GPR39: variants seen among roughly 807,000 people sequenced by gnomAD.
The protein encoded by GPR39 is zinc sensing receptor.
In GPR39, 23 loss-of-function variants were observed where a neutral mutation model predicts 18.4. That is an observed-to-expected ratio of 1.25 (90% CI 0.90 to 1.77). The LOEUF is 1.77. Ranked by LOEUF, GPR39 falls within the 40% of genes most tolerant of loss-of-function variation. GPR39 has a pLI of 0.00. For missense variants in GPR39, 647 were observed against 602.4 expected (o/e 1.07, Z -0.78); for synonymous variants, 280 against 257.9 (o/e 1.09, Z -0.82).
intron 1 of GPR39, among the ~76,000 whole-genome samples, chr2:132,499,159 T>A (rs1298953642): frequency 6.6e-6 from 1 of 152,222 alleles, no homozygotes; most frequent in African/African-American, 2.4e-5. Context: ...GTGTTTTTCC[T>A]AAGTTATCTT....
chr2:132,646,420 G>GGATTGTCTCATTGATATTCAAGATA lies in GPR39; in HGVS notation c.*818_*842dup, dbSNP rs1682082000. 4 of 448,366 alleles carry GGATTGTCTCATTGATATTCAAGATA rather than the reference G, an allele frequency of 8.9e-6. No individual in the cohort carries two copies. The highest frequency in any genetic ancestry group is 1.6e-5 in the Non-Finnish European group (4 of 257,724). The allele number at this position is 448,366 out of a possible 1,614,324, so 27.8% of individuals were successfully genotyped here. On this transcript the variant is annotated 3_prime_UTR_variant, in exon 2 of 2. Transcript: ENST00000329321. ...CTAGGTGAGGTCAGGGAAGTGCTTCGGATTGTCTCATTGATATTCAAGATA... is the reference window on the plus strand; with the variant it reads ...CTAGGTGAGGTCAGGGAAGTGCTTCGGATTGTCTCATTGATATTCAAGATAGATTGTCTCATTGATATTCAAGATA...
intron 1 of GPR39, among the ~76,000 whole-genome samples, chr2:132,485,331 C>G (rs1681311395): frequency 6.6e-6 from 1 of 152,144 alleles, no homozygotes; most frequent in Admixed American, 6.5e-5. Context: ...TGACTGCTGA[C>G]CAGTCAGGAT....
intron 1 of GPR39, among the ~76,000 whole-genome samples, chr2:132,638,065 G>A (rs1681794911): frequency 6.6e-6 from 1 of 151,892 alleles, no homozygotes; most frequent in Non-Finnish European, 1.5e-5. Context: ...TACAGAAAGA[G>A]GAGAAATGGA....
At chr2:132,421,634 A>G (rs768784313) in intron 1 of GPR39, among the ~76,000 whole-genome samples, 5 of 152,222 alleles carry the variant, frequency 3.3e-5, no homozygotes, top group South Asian at 2.1e-4. Context: ...GACATTATTC[A>G]TCACGTGTAT....
chr2:132,564,144 G>A (rs1482233300), intron 1 of GPR39, among the ~76,000 whole-genome samples: 7 of 152,216 alleles, frequency 4.6e-5, no homozygotes, highest in Non-Finnish European at 1.0e-4. Context: ...TGAGGCGGCT[G>A]AGGATCACTG....
intron 1 of GPR39, among the ~76,000 whole-genome samples, chr2:132,515,681 A>G (rs1427202464): frequency 6.6e-6 from 1 of 152,128 alleles, no homozygotes; most frequent in African/African-American, 2.4e-5. Context: ...CCTTAAAGCA[A>G]CTAATAAAAC....
At chr2:132,488,953 G>C (rs1288516380) in intron 1 of GPR39, 1 of 152,296 alleles carries the variant, frequency 6.6e-6, no homozygotes, top group Admixed American at 6.6e-5. Flanking sequence ...GTCCCATCCT[G>C]TTCTTTTTCT....
chr2:132,445,105 A>G (rs1372223946), intron 1 of GPR39, among the ~76,000 whole-genome samples: 1 of 152,214 alleles, frequency 6.6e-6, no homozygotes, highest in Non-Finnish European at 1.5e-5. Context: ...TTTAAAAATC[A>G]TTCATGACTC....
chr2:132,455,221 T>A (rs541005842), intron 1 of GPR39, among the ~76,000 whole-genome samples: 1 of 152,216 alleles, frequency 6.6e-6, no homozygotes, highest in African/African-American at 2.4e-5. Context: ...AGGGTGTATG[T>A]GTCCAGGAAT....
intron 1 of GPR39, among the ~76,000 whole-genome samples, chr2:132,491,999 G>A (rs1558814030): frequency 6.7e-6 from 1 of 149,124 alleles, no homozygotes; most frequent in East Asian, 1.9e-4. Flanking sequence ...CATTGATAAA[G>A]TAATTATATA....
At chr2:132,499,220 T>A (rs59597068) in intron 1 of GPR39, among the ~76,000 whole-genome samples, 3,502 of 152,322 alleles carry the variant, frequency 0.023, 125 homozygotes, top group African/African-American at 0.08. Context: ...TGATCCATCT[T>A]GAGTGGATTT....
chr2:132,446,888 G>A (rs946121270), intron 1 of GPR39, among the ~76,000 whole-genome samples: 1 of 152,146 alleles, frequency 6.6e-6, no homozygotes, highest in Non-Finnish European at 1.5e-5. Context: ...AGACAAGTGT[G>A]CAATGGCACA....
chr2:132,511,497 A>C (rs892323707), intron 1 of GPR39, among the ~76,000 whole-genome samples: 1 of 152,242 alleles, frequency 6.6e-6, no homozygotes, highest in Non-Finnish European at 1.5e-5. Context: ...AATGGTTTTT[A>C]AAATTCCAAA....
chr2:132,570,648 A>G (rs938787036), intron 1 of GPR39, among the ~76,000 whole-genome samples: 2 of 152,212 alleles, frequency 1.3e-5, no homozygotes. Context: ...CCAGGAAGGA[A>G]GAATTGTCCA....
intron 1 of GPR39, among the ~76,000 whole-genome samples, chr2:132,429,514 C>T (rs1252991909): frequency 6.6e-6 from 1 of 152,230 alleles, no homozygotes; most frequent in African/African-American, 2.4e-5. Context: ...CAGAGTGCAG[C>T]ATGTGGCCTG....
At chr2:132,532,620 A>G (rs1679662491) in intron 1 of GPR39, among the ~76,000 whole-genome samples, 1 of 152,228 alleles carries the variant, frequency 6.6e-6, no homozygotes, top group Non-Finnish European at 1.5e-5. Flanking sequence ...AACCAAATCC[A>G]GCAGCACGTC....
At chr2:132,518,116 A>G (rs905300636) in intron 1 of GPR39, among the ~76,000 whole-genome samples, 1 of 152,226 alleles carries the variant, frequency 6.6e-6, no homozygotes, top group African/African-American at 2.4e-5. Context: ...GACTTGGTCA[A>G]TGTCTTTACT....
intron 1 of GPR39, among the ~76,000 whole-genome samples, chr2:132,491,534 G>T (rs997182826): frequency 2.0e-5 from 3 of 151,986 alleles, no homozygotes; most frequent in African/African-American, 7.3e-5. Context: ...GAATAGGGGT[G>T]TAGGAGTGAT....
At chr2:132,640,063 T>C (rs765135079) in intron 1 of GPR39, among the ~76,000 whole-genome samples, 1 of 152,136 alleles carries the variant, frequency 6.6e-6, no homozygotes. Context: ...ACAAGGGAGT[T>C]ACAAGGCTGG....
Sources: allele counts gnomAD v4.1 joint callset (sites outside exome capture counted in the v4.1 genomes callset), GRCh38; gene constraint gnomAD v4.1.1; transcripts MANE v1.5; gene names NCBI Gene and HGNC (gene_info 2026-07-23, HGNC 2026-07-21).